The following GABBR2 variants were observed in gnomAD, a reference collection of about 807,000 sequenced individuals.
GABBR2 encodes the protein G-protein coupled receptor 51.
In GABBR2, 23 loss-of-function variants were observed where a neutral mutation model predicts 105.6. That is an observed-to-expected ratio of 0.22 (90% confidence interval 0.16 to 0.31). GABBR2 has a LOEUF of 0.31. GABBR2 is among the 10% of genes least tolerant of loss of function. The probability of loss-of-function intolerance (pLI) is 1.00; values close to 1 mark genes in which losing one functional copy is unlikely to be tolerated. For missense variants in GABBR2, 734 were observed against 1,245.5 expected, an observed-to-expected ratio of 0.59 and a Z score of 6.18; for synonymous variants, 478 against 499.7, an observed-to-expected ratio of 0.96 and a Z score of 0.58.
At chr9:98,299,828 C>A (rs537402130) in intron 16 of GABBR2, among the ~76,000 whole-genome samples, 5 of 152,032 alleles carry the variant, frequency 3.3e-5, no homozygotes, top group African/African-American at 1.2e-4. Flanking sequence ...AAAGTTTAGC[C>A]CAGTGTCTGA....
intron 2 of GABBR2, among the ~76,000 whole-genome samples, chr9:98,545,788 G>A (rs1365291215): frequency 6.6e-6 from 1 of 152,156 alleles, no homozygotes; most frequent in Non-Finnish European, 1.5e-5. Flanking sequence ...CCTAACACTA[G>A]TGCGCTTTCT....
intron 1 of GABBR2, among the ~76,000 whole-genome samples, chr9:98,590,004 C>T (rs1320790208): frequency 6.6e-6 from 1 of 152,210 alleles, no homozygotes; most frequent in Non-Finnish European, 1.5e-5. Context: ...GCTAGGATAA[C>T]AGGCATGAGC....
intron 15 of GABBR2, 91 bp from the exon 16 acceptor site, chr9:98,303,514 T>G (rs1242459073): frequency 1.4e-5 from 16 of 1,173,292 alleles, no homozygotes; most frequent in Non-Finnish European, 1.9e-5. Flanking sequence ...CAGATCCTGC[T>G]CTGGAGGCGA....
intron 14 of GABBR2, among the ~76,000 whole-genome samples, chr9:98,308,281 A>G (rs543789113): frequency 1.5e-4 from 23 of 152,308 alleles, no homozygotes; most frequent in South Asian, 6.2e-4. Context: ...TTGGCTGTAA[A>G]TCTCTAAAGA....
intron 1 of GABBR2, among the ~76,000 whole-genome samples, chr9:98,687,416 G>T (rs562978521): frequency 6.6e-6 from 1 of 152,146 alleles, no homozygotes; most frequent in South Asian, 2.1e-4. Flanking sequence ...AGATATTCAG[G>T]GTGGGGAATT....
At chr9:98,550,167 T>C (rs1191166684) in intron 2 of GABBR2, among the ~76,000 whole-genome samples, 2 of 152,176 alleles carry the variant, frequency 1.3e-5, no homozygotes, top group African/African-American at 4.8e-5. Flanking sequence ...TTCCCAGTTA[T>C]CCCACCTGAT....
chr9:98,686,881 C>T (rs10120430), intron 1 of GABBR2, among the ~76,000 whole-genome samples: 11 of 152,190 alleles, frequency 7.2e-5, no homozygotes, highest in African/African-American at 2.6e-4. Context: ...GTGTCCACAA[C>T]AGCCCTCCAA....
At chr9:98,699,261 T>C (rs902441686) in intron 1 of GABBR2, among the ~76,000 whole-genome samples, 3 of 152,158 alleles carry the variant, frequency 2.0e-5, no homozygotes, top group Non-Finnish European at 4.4e-5. Context: ...TGATGTACCT[T>C]GGAGGATGGT....
At chr9:98,368,701 C>T (rs543739542) in intron 12 of GABBR2, among the ~76,000 whole-genome samples, 1 of 152,312 alleles carries the variant, frequency 6.6e-6, no homozygotes, top group African/African-American at 2.4e-5. Context: ...CATATTAGCA[C>T]AAAGGAACCA....
intron 1 of GABBR2, among the ~76,000 whole-genome samples, chr9:98,587,935 T>C (rs1207576155): frequency 6.6e-6 from 1 of 152,242 alleles, no homozygotes; most frequent in Non-Finnish European, 1.5e-5. Context: ...GATCTCATTT[T>C]ATAAAATTAT....
At chr9:98,464,084 C>T (rs1179782516) in intron 6 of GABBR2, among the ~76,000 whole-genome samples, 3 of 152,208 alleles carry the variant, frequency 2.0e-5, no homozygotes, top group Non-Finnish European at 4.4e-5. Context: ...AGCGTCTCTG[C>T]CTGGCAGCCC....
chr9:98,562,598 G>T (rs1828691411), intron 2 of GABBR2, among the ~76,000 whole-genome samples: 1 of 152,086 alleles, frequency 6.6e-6, no homozygotes, highest in African/African-American at 2.4e-5. Flanking sequence ...CGTGTGTGTG[G>T]GGGTGGTGCA....
intron 1 of GABBR2, among the ~76,000 whole-genome samples, chr9:98,598,012 G>A (rs1829262806): frequency 6.6e-6 from 1 of 151,916 alleles, no homozygotes; most frequent in Admixed American, 6.6e-5. Context: ...TAATAGAGAT[G>A]GGGTTTCACC....
At chr9:98,355,041 C>G (rs1564028871) in intron 13 of GABBR2, among the ~76,000 whole-genome samples, 1 of 152,128 alleles carries the variant, frequency 6.6e-6, no homozygotes, top group East Asian at 1.9e-4. Context: ...GGGTTATTAA[C>G]TGACCTAACT....
intron 2 of GABBR2, chr9:98,551,933 C>A (rs563827777): frequency 3.9e-5 from 6 of 152,176 alleles, no homozygotes; most frequent in African/African-American, 1.4e-4. Flanking sequence ...CTATGCTTCG[C>A]GAACATTGAA....
chr9:98,319,513 T>A (rs765844024), intron 13 of GABBR2, among the ~76,000 whole-genome samples: 6 of 151,856 alleles, frequency 4.0e-5, no homozygotes, highest in Non-Finnish European at 8.8e-5. Context: ...CCACCAGGGT[T>A]TCTCAACATG....
intron 13 of GABBR2, among the ~76,000 whole-genome samples, chr9:98,322,658 C>T (rs1025580566): frequency 6.6e-6 from 1 of 150,968 alleles, no homozygotes; most frequent in African/African-American, 2.4e-5. Flanking sequence ...AGCCATGAGT[C>T]AGTCCATCAT....
intron 6 of GABBR2, among the ~76,000 whole-genome samples, chr9:98,469,524 A>G (rs947239277): frequency 6.6e-6 from 1 of 152,180 alleles, no homozygotes; most frequent in Admixed American, 6.5e-5. Context: ...CCTCCACTCC[A>G]TGCCTCTCTC....
chr9:98,585,505 T>TG (rs1385918421), intron 1 of GABBR2, among the ~76,000 whole-genome samples: 17 of 117,888 alleles, frequency 1.4e-4, no homozygotes, highest in Non-Finnish European at 2.8e-4. Flanking sequence ...GTGGGGGGAG[T>TG]GGGGAGGGAT....
Sources: allele counts gnomAD v4.1 joint callset (sites outside exome capture counted in the v4.1 genomes callset), GRCh38; gene constraint gnomAD v4.1.1; transcripts MANE v1.5; gene names NCBI Gene and HGNC (gene_info 2026-07-23, HGNC 2026-07-21).